The following SGCD variants were observed in gnomAD, a reference collection of about 807,000 sequenced individuals.
SGCD encodes sarcoglycan delta.
Under a neutral mutation model 36.6 loss-of-function variants are expected in SGCD, and 18 were observed. The ratio of observed to expected loss-of-function variants is 0.49; its 90% CI spans 0.34 to 0.73. The LOEUF (loss-of-function observed/expected upper bound fraction) is 0.73. Among genes scored for constraint, SGCD ranks in the 30% least tolerant of loss-of-function variants. The pLI, the probability that SGCD is intolerant of heterozygous loss-of-function variation, is 0.01. For synonymous variants in SGCD, 133 were observed against 130.6 expected, an observed-to-expected ratio of 1.02 and a Z score of -0.12; for missense variants, 387 against 346.7, an observed-to-expected ratio of 1.12 and a Z score of -0.92.
At chr5:156,254,304 A>G (rs1440757331) in intron 3 of SGCD, among the ~76,000 whole-genome samples, 1 of 152,202 alleles carries the variant, frequency 6.6e-6, no homozygotes, top group Non-Finnish European at 1.5e-5. Context: ...TACATGTGCC[A>G]TGTTGGTGTG....
the SGCD span, among the ~76,000 whole-genome samples, chr5:155,744,074 TATAAATCAGATATC>T: frequency 3.3e-5 from 5 of 152,108 alleles, no homozygotes; most frequent in African/African-American, 1.2e-4. Flanking sequence ...AACCAGCCAA[TATAAATCAGATATC>T]AGAAAGAAAA....
chr5:156,414,396 C>A (rs1303167135), intron 3 of SGCD, among the ~76,000 whole-genome samples: 2 of 152,210 alleles, frequency 1.3e-5, no homozygotes, highest in Admixed American at 6.5e-5. Flanking sequence ...TGATGCATAT[C>A]TTTTAAAAAG....
At chr5:156,754,658 A>C (rs1757272049) in intron 7 of SGCD, among the ~76,000 whole-genome samples, 1 of 152,216 alleles carries the variant, frequency 6.6e-6, no homozygotes, top group Non-Finnish European at 1.5e-5. Flanking sequence ...TGGCTCTGCC[A>C]TTTTACTAGG....
chr5:156,474,068 G>A (rs1755081297), intron 3 of SGCD, among the ~76,000 whole-genome samples: 1 of 151,856 alleles, frequency 6.6e-6, no homozygotes, highest in Non-Finnish European at 1.5e-5. Flanking sequence ...CAGTGGGGGA[G>A]GGAGAGCACT....
chr5:156,218,191 G>A (rs767402226), intron 3 of SGCD, among the ~76,000 whole-genome samples: 9 of 152,134 alleles, frequency 5.9e-5, no homozygotes, highest in Non-Finnish European at 1.2e-4. Context: ...AGCGAAGGTT[G>A]CAGTGAGCCG....
intron 1 of SGCD, among the ~76,000 whole-genome samples, chr5:156,057,698 T>C (rs1228386045): frequency 6.9e-6 from 1 of 145,964 alleles, no homozygotes; most frequent in African/African-American, 2.5e-5. Flanking sequence ...ATTGAGAATA[T>C]GTCAAAGAGT....
chr5:156,608,945 C>T (rs1462003677), intron 6 of SGCD, among the ~76,000 whole-genome samples: 16 of 152,046 alleles, frequency 1.1e-4, no homozygotes, highest in African/African-American at 3.1e-4. Flanking sequence ...TGTCTCTGCA[C>T]ATGAGATGGG....
chr5:156,412,373 C>CT (rs1772807110), intron 3 of SGCD, among the ~76,000 whole-genome samples: 1 of 152,140 alleles, frequency 6.6e-6, no homozygotes, highest in African/African-American at 2.4e-5. Flanking sequence ...AATCAAATGG[C>CT]TTTTTTCTAC....
intron 3 of SGCD, among the ~76,000 whole-genome samples, chr5:156,423,733 A>G (rs1773536094): frequency 6.6e-6 from 1 of 151,784 alleles, no homozygotes; most frequent in African/African-American, 2.4e-5. Flanking sequence ...CTTCTAATCA[A>G]TTCCTGGGTT....
chr5:156,477,668 G>A (rs1755242499), intron 3 of SGCD, among the ~76,000 whole-genome samples: 1 of 126,102 alleles, frequency 7.9e-6, no homozygotes, highest in Non-Finnish European at 1.6e-5. Context: ...AGACAACACA[G>A]CTTAAAAGTA....
intron 3 of SGCD, among the ~76,000 whole-genome samples, chr5:156,429,803 C>T (rs1773851989): frequency 6.6e-6 from 1 of 152,100 alleles, no homozygotes; most frequent in Admixed American, 6.5e-5. Flanking sequence ...ATACACAATT[C>T]TTGGCTTACA....
At position 155,960,934 on chromosome 5, in the gene SGCD, A is replaced by G. The variant is rs1019923041; in HGVS notation, c.-282+90510A>G. Among the ~76,000 whole-genome samples the G allele has an allele frequency of 3.3e-5, 5 of 152,134 alleles. No individual in the cohort carries two copies. In the South Asian group the frequency reaches 1.0e-3, roughly 32 times the overall value. On this transcript the variant is annotated intron_variant, in intron 1 of 9. Transcript: ENST00000517913. ...ACTGTAACTTGAAATCCTACAGCTC[A>G]TTTTCCAGAACTCAAGCATTTTGAT... is the stretch of plus-strand genomic sequence containing the variant.
intron 3 of SGCD, among the ~76,000 whole-genome samples, chr5:156,345,939 T>G (rs1477570320): frequency 2.6e-5 from 4 of 152,080 alleles, no homozygotes; most frequent in Non-Finnish European, 4.4e-5. Flanking sequence ...CTTCCCTGTC[T>G]GGTAAAACTT....
intron 3 of SGCD, among the ~76,000 whole-genome samples, chr5:156,479,824 G>T (rs1201703346): frequency 2.0e-5 from 3 of 152,174 alleles, no homozygotes; most frequent in African/African-American, 7.2e-5. Flanking sequence ...CCCATTCACA[G>T]GTTACTGACT....
chr5:155,993,299 T>C (rs555325578), intron 1 of SGCD, among the ~76,000 whole-genome samples: 1 of 152,060 alleles, frequency 6.6e-6, no homozygotes, highest in East Asian at 1.9e-4. Flanking sequence ...CCCATGTCTA[T>C]GTGTTTTATT....
At chr5:155,802,047 T>C in the SGCD span, among the ~76,000 whole-genome samples, 1 of 152,206 alleles carries the variant, frequency 6.6e-6, no homozygotes, top group Non-Finnish European at 1.5e-5. Flanking sequence ...TTTCCCCAGC[T>C]ATAGCTGATA....
chr5:155,857,714 T>C, the SGCD span, among the ~76,000 whole-genome samples: 4 of 152,146 alleles, frequency 2.6e-5, no homozygotes, highest in Non-Finnish European at 4.4e-5. Context: ...AAATAGATTA[T>C]AAAGGGACTT....
intron 6 of SGCD, among the ~76,000 whole-genome samples, chr5:156,634,752 A>C (rs966112939): frequency 1.3e-5 from 2 of 152,190 alleles, no homozygotes; most frequent in African/African-American, 4.8e-5. Flanking sequence ...CACCACAAAG[A>C]GTACATTTTC....
the SGCD span, among the ~76,000 whole-genome samples, chr5:155,766,818 G>C: frequency 6.6e-6 from 1 of 152,102 alleles, no homozygotes; most frequent in Non-Finnish European, 1.5e-5. Context: ...TGATTGTCCA[G>C]GGTCACAGAA....
Sources: allele counts gnomAD v4.1 joint callset (sites outside exome capture counted in the v4.1 genomes callset), GRCh38; gene constraint gnomAD v4.1.1; transcripts MANE v1.5; gene names NCBI Gene and HGNC (gene_info 2026-07-23, HGNC 2026-07-21).